GALNT14: variants seen among roughly 807,000 people sequenced by gnomAD.
The protein encoded by GALNT14 is polypeptide N-acetylgalactosaminyltransferase 14.
GALNT14 carries 60 observed loss-of-function variants against 77.5 expected under a neutral mutation model. The observed-to-expected ratio is 0.77, with a 90% CI of 0.63 to 0.96. The LOEUF is 0.96. Ranked by LOEUF, GALNT14 falls within the 40% of genes least tolerant of loss-of-function variation. The pLI is 0.00. For synonymous variants in GALNT14, 280 were observed against 281.7 expected (o/e 0.99, Z 0.06); for missense variants, 710 against 731.0 (o/e 0.97, Z 0.33).
intron 2 of GALNT14, among the ~76,000 whole-genome samples, chr2:30,974,895 T>C (rs149837357): frequency 6.6e-6 from 1 of 152,256 alleles, no homozygotes; most frequent in East Asian, 1.9e-4. Flanking sequence ...AGTGGAGGGA[T>C]AAGTGAAGGT....
At chr2:30,902,997 G>C in the GALNT14 span, among the ~76,000 whole-genome samples, 2 of 152,180 alleles carry the variant, frequency 1.3e-5, no homozygotes, top group Admixed American at 1.3e-4. Context: ...GTCTTCTATA[G>C]ATGGCTTGAT....
intron 1 of GALNT14, among the ~76,000 whole-genome samples, chr2:31,063,398 T>C (rs933713608): frequency 6.6e-6 from 1 of 152,228 alleles, no homozygotes; most frequent in African/African-American, 2.4e-5. Context: ...ACGTGGCCTC[T>C]ATTCTGTTCC....
chr2:31,060,530 T>C (rs778635388), intron 1 of GALNT14, among the ~76,000 whole-genome samples: 4 of 152,178 alleles, frequency 2.6e-5, no homozygotes, highest in Non-Finnish European at 4.4e-5. Context: ...GGGGAACCTG[T>C]TCATAAAACA....
chr2:31,022,233 A>G (rs1016383517), intron 1 of GALNT14, among the ~76,000 whole-genome samples: 1 of 152,210 alleles, frequency 6.6e-6, no homozygotes, highest in Admixed American at 6.5e-5. Flanking sequence ...ATTTTCTCAG[A>G]AGAAATAATG....
At position 31,078,949 on chromosome 2, in the gene GALNT14, T is replaced by C. The variant is rs190736722; in HGVS notation, c.129+59009A>G. 205 of 1,289,328 alleles carry C rather than the reference T, an allele frequency of 1.6e-4. No individual in the cohort carries two copies. The African/African-American group carries it at 3.0e-3, about 19-fold the overall frequency. The allele number at this position is 1,289,328 out of a possible 1,614,324, so 79.9% of individuals were successfully genotyped here. ...TCTGACTCACTGGACACGACTCATC[T>C]TGGGCCATGGCTGTTCCATGCCTGG... On this transcript the variant is annotated intron_variant, in intron 1 of 14. Coordinates refer to ENST00000349752, the MANE Select transcript of GALNT14 (RefSeq NM_024572.4).
the GALNT14 span, among the ~76,000 whole-genome samples, chr2:30,895,649 G>A: frequency 6.6e-6 from 1 of 151,920 alleles, no homozygotes; most frequent in African/African-American, 2.4e-5. Context: ...TCTTCCCCTT[G>A]TCCTGGCAGC....
In GALNT14 at chr2:30,974,728, C is replaced by T. The variant is rs553841408; in HGVS notation, c.300-8426G>A. Reference sequence around the variant, plus strand: ...CCTCTTTAGGACCCTGTGTTCACCCCATTGCTGTAATTTATTACCAAGCAC... The same window carrying T: ...CCTCTTTAGGACCCTGTGTTCACCCTATTGCTGTAATTTATTACCAAGCAC... On this transcript the variant is annotated intron_variant, in intron 2 of 14. Coordinates refer to ENST00000349752, the MANE Select transcript of GALNT14 (RefSeq NM_024572.4). Among the ~76,000 whole-genome samples the T allele has an allele frequency of 2.6e-5, 4 of 152,326 alleles. No individual in the cohort carries two copies. The South Asian group carries it at 8.3e-4, about 32-fold the overall frequency.
intron 3 of GALNT14, among the ~76,000 whole-genome samples, chr2:30,963,830 C>T (rs1356782512): frequency 1.3e-5 from 2 of 152,170 alleles, no homozygotes; most frequent in Non-Finnish European, 2.9e-5. Flanking sequence ...AGCATTTATT[C>T]CATGCCAGGC....
chr2:30,986,155 A>G (rs559878528), intron 2 of GALNT14, among the ~76,000 whole-genome samples: 5 of 152,298 alleles, frequency 3.3e-5, no homozygotes, highest in African/African-American at 1.2e-4. Context: ...TGGGCGCCCC[A>G]CTGTCTGAGC....
chr2:30,951,695 T>C (rs570654443), intron 6 of GALNT14, among the ~76,000 whole-genome samples: 4 of 152,208 alleles, frequency 2.6e-5, no homozygotes, highest in Non-Finnish European at 5.9e-5. Flanking sequence ...TGCACACTCA[T>C]ATGAAATCAG....
intron 1 of GALNT14, among the ~76,000 whole-genome samples, chr2:31,040,754 G>A (rs1270235607): frequency 3.3e-5 from 5 of 152,186 alleles, no homozygotes; most frequent in Admixed American, 2.6e-4. Flanking sequence ...TGAATTTCCT[G>A]CCAGCCCTGC....
chr2:30,984,132 G>A (rs1669155126), intron 2 of GALNT14, among the ~76,000 whole-genome samples: 1 of 152,174 alleles, frequency 6.6e-6, no homozygotes, highest in Admixed American at 6.5e-5. Context: ...GGCCCTATCA[G>A]CTCCTTCTCC....
intron 1 of GALNT14, among the ~76,000 whole-genome samples, chr2:31,113,531 G>A (rs979769924): frequency 6.6e-6 from 1 of 152,168 alleles, no homozygotes; most frequent in Admixed American, 6.5e-5. Flanking sequence ...AGCTGAACAG[G>A]CCTACTGAGT....
chr2:30,963,224 T>A (rs961910632), intron 3 of GALNT14, among the ~76,000 whole-genome samples: 1 of 152,084 alleles, frequency 6.6e-6, no homozygotes, highest in South Asian at 2.1e-4. Flanking sequence ...GAGTGCAGGG[T>A]TCCAGGGCCT....
chr2:30,930,952 C>T (rs1665688803), intron 10 of GALNT14, among the ~76,000 whole-genome samples: 1 of 152,202 alleles, frequency 6.6e-6, no homozygotes, highest in South Asian at 2.1e-4. Context: ...TGTCTGGAGC[C>T]CCAGGCTCTG....
At chr2:31,000,079 A>G (rs563957144) in intron 1 of GALNT14, among the ~76,000 whole-genome samples, 2 of 152,090 alleles carry the variant, frequency 1.3e-5, no homozygotes, top group African/African-American at 2.4e-5. Flanking sequence ...GTCCTGTTCT[A>G]TTTGTCCCTA....
intron 1 of GALNT14, among the ~76,000 whole-genome samples, chr2:31,021,445 C>T (rs543251311): frequency 6.6e-5 from 10 of 151,806 alleles, no homozygotes; most frequent in South Asian, 6.3e-4. Context: ...GCTGGGATTA[C>T]AGGCGCCCAC....
chr2:30,956,854 T>C (rs1176699435), intron 4 of GALNT14, among the ~76,000 whole-genome samples: 2 of 152,232 alleles, frequency 1.3e-5, no homozygotes, highest in African/African-American at 4.8e-5. Flanking sequence ...GTCAATTTAG[T>C]AGGTCTGGTA....
intron 1 of GALNT14, among the ~76,000 whole-genome samples, chr2:31,046,285 G>A (rs189990945): frequency 8.1e-4 from 122 of 150,446 alleles, no homozygotes; most frequent in African/African-American, 2.8e-3. Context: ...GGAGTGCAGC[G>A]GCACAATCTC....
Sources: gnomAD v4.1 joint callset for allele counts (sites outside exome capture counted in the v4.1 genomes callset) on GRCh38, gnomAD v4.1.1 for gene constraint, MANE v1.5 for transcripts, NCBI Gene and HGNC (gene_info 2026-07-23, HGNC 2026-07-21) for gene names.